The following ZC3H10 variants were observed in gnomAD, a reference collection of about 807,000 sequenced individuals.
ZC3H10 encodes zinc finger CCCH-type containing 10.
A neutral mutation model predicts 24.3 loss-of-function variants in ZC3H10; 12 were observed. The observed-to-expected ratio is 0.49, with a 90% confidence interval of 0.32 to 0.80. The LOEUF is 0.80. Among genes scored for constraint, ZC3H10 ranks in the 30% least tolerant of loss-of-function variants. The pLI, the probability that ZC3H10 is intolerant of heterozygous loss-of-function variation, is 0.04. For synonymous variants in ZC3H10, 226 were observed against 217.0 expected (o/e 1.04, Z -0.36); for missense variants, 360 against 576.3 (o/e 0.62, Z 3.84).
Position 56,122,224 on chromosome 12 carries a change from G to A in ZC3H10, c.*357G>A, listed in dbSNP as rs1869869151. Reference sequence around the variant, plus strand: ...AGCACAGGTTCCAGCACTGGTTTTAGAAGAAAAAAATACCCTGCCCAGAGG... The same window carrying A: ...AGCACAGGTTCCAGCACTGGTTTTAAAAGAAAAAAATACCCTGCCCAGAGG... On this transcript the variant is annotated 3_prime_UTR_variant, in exon 3 of 3. Transcript: ENST00000257940. The A allele has an allele frequency of 4.4e-6, 1 of 227,740 alleles. No individual in the cohort carries two copies. 14.1% of individuals were successfully genotyped at this position (227,740 alleles called of 1,614,324 possible).
rs11354732 is a variant in ZC3H10, at chr12:56,125,785, A to ATTTT, written c.*3933_*3936dup. 2,448 of 136,052 alleles carry ATTTT rather than the reference A, an allele frequency of 0.018. 102 individuals carry two copies. The highest frequency in any genetic ancestry group is 0.064 in the African/African-American group (2,294 of 35,938). The allele number at this position is 136,052 out of a possible 1,614,324, so 8.4% of individuals were successfully genotyped here. A position where few individuals can be genotyped will look rare whatever the true frequency, so the allele number is the denominator to read the frequency against. On this transcript the variant is annotated 3_prime_UTR_variant, in exon 3 of 3. Transcript: ENST00000257940. ...ACAAAGCGATCACTACTTGGCAGTA[A>ATTTT]TTTTTTTTTTTTTTTTTTGAGACGG...
At position 56,119,169 on chromosome 12, in the gene ZC3H10, G is replaced by C. The variant is rs1869733147; in HGVS notation, c.-53+18G>C. 6.5e-6 allele frequency: 1 copy of C among 152,764 alleles called. No individual in the cohort carries two copies. Among genetic ancestry groups the C allele is most frequent in the Admixed American group, 6.5e-5 (1 of 15,282 alleles). The allele number at this position is 152,764 out of a possible 1,614,324, so 9.5% of individuals were successfully genotyped here. A position where few individuals can be genotyped will look rare whatever the true frequency, so the allele number is the denominator to read the frequency against. Reference sequence around the variant, plus strand: ...TACCTCAGGTATCAATTCTGGGAGAGTGGGGTGGGGAGGAGCATCATAACT... The same window carrying C: ...TACCTCAGGTATCAATTCTGGGAGACTGGGGTGGGGAGGAGCATCATAACT... On this transcript the variant is annotated intron_variant, in intron 2 of 2. Transcript: ENST00000257940.
In ZC3H10 at chr12:56,124,552, A is replaced by G. The variant is rs769865369; in HGVS notation, c.*2685A>G. The G allele has an allele frequency of 2.6e-5, 4 of 152,234 alleles. No individual in the cohort carries two copies. The highest frequency in any genetic ancestry group is 4.4e-5 in the Non-Finnish European group (3 of 68,024). 9.4% of individuals were successfully genotyped at this position (152,234 alleles called of 1,614,324 possible). On this transcript the variant is annotated 3_prime_UTR_variant, in exon 3 of 3. Transcript: ENST00000257940. ...AAAATAATGAGAAAAAAATAGTAGC[A>G]TTTGGTAGAATCAAACTGAACACTT...
chr12:56,127,204 C>G lies in ZC3H10; in HGVS notation c.*5337C>G, dbSNP rs964786656. The G allele has an allele frequency of 6.6e-6, 1 of 152,218 alleles. No individual in the cohort carries two copies. The highest frequency in any genetic ancestry group is 1.5e-5 in the Non-Finnish European group (1 of 68,042). 9.4% of individuals were successfully genotyped at this position (152,218 alleles called of 1,614,324 possible). Reference sequence around the variant, plus strand: ...ACTAGTAACAATAGTCATCGGTGTACCCTGCACTTTTTCCTTCCTAAACCT... The same window carrying G: ...ACTAGTAACAATAGTCATCGGTGTAGCCTGCACTTTTTCCTTCCTAAACCT... On this transcript the variant is annotated 3_prime_UTR_variant, in exon 3 of 3. Coordinates refer to ENST00000257940, the MANE Select transcript of ZC3H10 (RefSeq NM_032786.3).
chr12:56,121,783 A>C lies in ZC3H10; in HGVS notation c.1221A>C (p.Gly407=). Residue 407 remains glycine, a synonymous_variant, in exon 3 of 3, where the codon GGA becomes GGC. Transcript: ENST00000257940. This position sits in a 1 kb window ranked among gnomAD's most constrained non-coding sequence, Gnocchi z 6.2. ...VAVSMAQPLA[G]ITMSHTTTPM... Reference sequence around the variant, plus strand: ...TATCGATGGCCCAACCCTTGGCAGGAATCACAATGAGCCACACCACCACTC... The same window carrying C: ...TATCGATGGCCCAACCCTTGGCAGGCATCACAATGAGCCACACCACCACTC... 6.2e-7 allele frequency: 1 copy of C among 1,614,168 alleles called. No individual in the cohort carries two copies. The highest frequency in any genetic ancestry group is 8.5e-7 in the Non-Finnish European group (1 of 1,180,016).
At chr12:56,120,140 G>T in intron 2 of ZC3H10, 1 of 904,282 alleles carries the variant, frequency 1.1e-6, no homozygotes, top group Non-Finnish European at 1.3e-6. Flanking sequence ...TAGCTCAGTA[G>T]CCCATCTTGG....
chr12:56,121,997 A>C lies in ZC3H10; in HGVS notation c.*130A>C. ...AGAACTAGGACAAGAGACTACAAGGAGTATGTCCTGAGGAGGGGTTGGGAT... is the reference window on the plus strand; with the variant it reads ...AGAACTAGGACAAGAGACTACAAGGCGTATGTCCTGAGGAGGGGTTGGGAT... On this transcript the variant is annotated 3_prime_UTR_variant, in exon 3 of 3. Transcript: ENST00000257940. The surrounding 1 kb of genome is among the most constrained non-coding windows in gnomAD (Gnocchi z 6.2). 8.6e-7 allele frequency: 1 copy of C among 1,163,330 alleles called. No homozygotes were observed. Among genetic ancestry groups the C allele is most frequent in the Non-Finnish European group, 1.2e-6 (1 of 836,324 alleles). 72.1% of individuals were successfully genotyped at this position (1,163,330 alleles called of 1,614,324 possible).
rs530254897 is a variant in ZC3H10, at chr12:56,122,253, A to G, written c.*386A>G. On this transcript the variant is annotated 3_prime_UTR_variant, in exon 3 of 3. Transcript: ENST00000257940. Reference sequence around the variant, plus strand: ...AAAAAAATACCCTGCCCAGAGGGAAAGCCAGGAAAGATTGGGAAGTGGGTG... The same window carrying G: ...AAAAAAATACCCTGCCCAGAGGGAAGGCCAGGAAAGATTGGGAAGTGGGTG... 7 of 191,968 alleles carry G rather than the reference A, an allele frequency of 3.6e-5. No homozygotes were observed. The highest frequency in any genetic ancestry group is 4.7e-5 in the African/African-American group (2 of 42,426). 11.9% of individuals were successfully genotyped at this position (191,968 alleles called of 1,614,324 possible).
rs1869945636 is a variant in ZC3H10 at position 56,124,848 on chromosome 12, A to G, written c.*2981A>G. On this transcript the variant is annotated 3_prime_UTR_variant, in exon 3 of 3. Coordinates refer to ENST00000257940, the MANE Select transcript of ZC3H10 (RefSeq NM_032786.3). ...AATGTTAGAGATTTATATTAGCAATAATTCACATGAGAACAAACTGGGACT... is the reference window on the plus strand; with the variant it reads ...AATGTTAGAGATTTATATTAGCAATGATTCACATGAGAACAAACTGGGACT... 1 of 152,238 alleles carries G rather than the reference A, an allele frequency of 6.6e-6. No individual in the cohort carries two copies. Among genetic ancestry groups the G allele is most frequent in the Non-Finnish European group, 1.5e-5 (1 of 68,034 alleles). The allele number at this position is 152,238 out of a possible 1,614,324, so 9.4% of individuals were successfully genotyped here.
chr12:56,121,063 T>C lies in ZC3H10; in HGVS notation c.501T>C (p.Ala167=). 1.2e-6 allele frequency: 2 copies of C among 1,614,048 alleles called. No homozygotes were observed. The highest frequency in any genetic ancestry group is 1.7e-6 in the Non-Finnish European group (2 of 1,180,016). ...TGCAACGGGATTTTGAGTTTGATGC[T>C]CGGGGTGGAGGAGGCACTGGTGGGG... ...RHLQRDFEFD[A]RGGGGTGGGS... Residue 167 remains alanine (A), a synonymous_variant, in exon 3 of 3, where the codon GCT becomes GCC. Transcript: ENST00000257940. The surrounding 1 kb of genome is among the most constrained non-coding windows in gnomAD (Gnocchi z 6.2).
In ZC3H10 at chr12:56,120,098, T is replaced by C. The variant is rs569587271; in HGVS notation, c.-52-413T>C. 1.7e-5 allele frequency: 9 copies of C among 519,626 alleles called. No individual in the cohort carries two copies. The South Asian group carries it at 7.3e-4, about 42-fold the overall frequency. 32.2% of individuals were successfully genotyped at this position (519,626 alleles called of 1,614,324 possible). A position where few individuals can be genotyped will look rare whatever the true frequency, so the allele number is the denominator to read the frequency against. On this transcript the variant is annotated intron_variant, in intron 2 of 2. Transcript: ENST00000257940. ...AAAGGAAAGGGGGTTAAGGAAGTTT[T>C]GTTACCAGTGTCCCATCTTCTACAG...
chr12:56,119,845 T>A (rs1320970571), intron 2 of ZC3H10: 2 of 152,218 alleles, frequency 1.3e-5, no homozygotes. Flanking sequence ...CTTGACCTTA[T>A]CACAAATGGT....
chr12:56,120,769 G>A lies in ZC3H10; in HGVS notation c.207G>A (p.Leu69=), dbSNP rs752837068. The A allele has an allele frequency of 5.0e-6, 8 of 1,614,000 alleles. No homozygotes were observed. The East Asian group carries it at 1.3e-4, about 27-fold the overall frequency. The stretch of plus-strand genomic sequence containing the variant: ...CAGACATGAGCGAGGTGTCCAACTT[G>A]GGGGTGAGCAAAAACGAGTTCATCT... ...RHPDMSEVSN[L]GVSKNEFIFC... The change falls in exon 3 of 3, where the codon TTG becomes TTA. Residue 69 remains leucine, a synonymous_variant. Coordinates refer to ENST00000257940, the MANE Select transcript of ZC3H10 (RefSeq NM_032786.3).
intron 2 of ZC3H10, chr12:56,119,758 A>T (rs1869753328): frequency 6.6e-6 from 1 of 152,022 alleles, no homozygotes; most frequent in Admixed American, 6.6e-5. Flanking sequence ...TGTCAGTGGG[A>T]TCTTCACATA....
Position 56,120,737 on chromosome 12 carries a change from C to T in ZC3H10, c.175C>T (p.Arg59Cys). Residue 59 changes from arginine (R) to cysteine (C), a missense_variant, in exon 3 of 3, where the codon CGC (arginine) becomes TGC (cysteine). By Grantham distance (180) the Arg-to-Cys change is radical (BLOSUM62 -3). Coordinates refer to ENST00000257940, the MANE Select transcript of ZC3H10 (RefSeq NM_032786.3). ...CAAGCGAGGCAAGCGTTGCCGATAT[C>T]GCCACCCAGACATGAGCGAGGTGTC... ...VCKRGKRCRY[R>C]HPDMSEVSNL... is the part of the protein sequence containing the mutation. The T allele has an allele frequency of 2.5e-6, 4 of 1,614,170 alleles. No homozygotes were observed. Among genetic ancestry groups the T allele is most frequent in the Admixed American group, 1.7e-5 (1 of 60,024 alleles).
chr12:56,120,468 TC>T, intron 2 of ZC3H10, 42 bp from the exon 3 acceptor site: 1 of 1,421,184 alleles, frequency 7.0e-7, no homozygotes, highest in Non-Finnish European at 9.2e-7. Flanking sequence ...GAGTGGGATC[TC>T]CCTGGAGGAC....
chr12:56,119,481 GATTCCCTTATTCTCAAAGGGAACA>G (rs1259422626), intron 2 of ZC3H10: 1 of 152,156 alleles, frequency 6.6e-6, no homozygotes, highest in Non-Finnish European at 1.5e-5. Flanking sequence ...AATTAGGAAA[GATTCCCTTATTCTCAAAGGGAACA>G]ATATGAAGTT....
chr12:56,121,456 T>G lies in ZC3H10; in HGVS notation c.894T>G (p.Thr298=), dbSNP rs946198827. The G allele has an allele frequency of 6.2e-7, 1 of 1,610,520 alleles. No homozygotes were observed. The highest frequency in any genetic ancestry group is 8.5e-7 in the Non-Finnish European group (1 of 1,176,990). Residue 298 remains threonine, a synonymous_variant, in exon 3 of 3, where the codon ACT becomes ACG. Transcript: ENST00000257940. This position sits in a 1 kb window ranked among gnomAD's most constrained non-coding sequence, Gnocchi z 6.2. ...APATEQTLAP[T]VGTVATFNHG... is the part of the protein sequence containing the mutation. ...CGACTGAGCAGACTCTGGCCCCCACTGTGGGCACTGTTGCCACTTTTAACC... is the reference window on the plus strand; with the variant it reads ...CGACTGAGCAGACTCTGGCCCCCACGGTGGGCACTGTTGCCACTTTTAACC...
In ZC3H10 at chr12:56,127,318, T is replaced by C. The variant is rs1341370638; in HGVS notation, c.*5451T>C. On this transcript the variant is annotated 3_prime_UTR_variant, in exon 3 of 3. Coordinates refer to ENST00000257940, the MANE Select transcript of ZC3H10 (RefSeq NM_032786.3). Reference sequence around the variant, plus strand: ...CTCAGGCAAATGTGAAAAGGAATTGTCTTTCCCTTACTCTTGATCCCTCAT... The same window carrying C: ...CTCAGGCAAATGTGAAAAGGAATTGCCTTTCCCTTACTCTTGATCCCTCAT... 2 of 152,382 alleles carry C rather than the reference T, an allele frequency of 1.3e-5. No individual in the cohort carries two copies. The highest frequency in any genetic ancestry group is 3.9e-4 in the East Asian group (2 of 5,194). 9.4% of individuals were successfully genotyped at this position (152,382 alleles called of 1,614,324 possible).
Sources: gnomAD v4.1 joint callset for allele counts on GRCh38, gnomAD v4.1.1 for gene constraint, Gnocchi (gnomAD v3.1) non-coding constraint, MANE v1.5 for transcripts, NCBI Gene and HGNC (gene_info 2026-07-23, HGNC 2026-07-21) for gene names.